The following DPH6 variants were observed in gnomAD, a reference collection of about 807,000 sequenced individuals.
DPH6 encodes the protein diphthine--ammonia ligase.
A neutral mutation model predicts 38.2 loss-of-function variants in DPH6; 33 were observed. That is an observed-to-expected ratio of 0.86 (90% CI 0.65 to 1.15). The LOEUF is 1.15. DPH6 is among the 50% of genes most tolerant of loss of function. DPH6 has a pLI of 0.00. For missense variants in DPH6, 325 were observed against 320.0 expected (o/e 1.02, Z -0.12); for synonymous variants, 108 against 103.0 (o/e 1.05, Z -0.30).
chr15:35,510,765 C>T (rs1056536984), intron 3 of DPH6, among the ~76,000 whole-genome samples: 3 of 152,160 alleles, frequency 2.0e-5, no homozygotes, highest in African/African-American at 7.2e-5. Flanking sequence ...CACTAAGTAG[C>T]AAACTAAATT....
intron 7 of DPH6, 128 bp downstream of exon 7, chr15:35,381,694 T>C (rs2052868647): frequency 4.2e-6 from 3 of 712,766 alleles, no homozygotes; most frequent in South Asian, 1.6e-5. Flanking sequence ...ATTAAACAAA[T>C]TGAGTGTTTG....
At chr15:35,357,886 T>C (rs1181399503) in intron 3 of DPH6, among the ~76,000 whole-genome samples, 1 of 152,054 alleles carries the variant, frequency 6.6e-6, no homozygotes, top group Non-Finnish European at 1.5e-5. Flanking sequence ...TTGTGATGAA[T>C]TTCCCAGGTG....
intron 3 of DPH6, among the ~76,000 whole-genome samples, chr15:35,463,332 TATCCAGAAATGCAGTCTATAAAAATA>T (rs2054088346): frequency 6.6e-6 from 1 of 152,078 alleles, no homozygotes; most frequent in Admixed American, 6.6e-5. Flanking sequence ...TTCAAATTTA[TATCCAGAAATGCAGTCTATAAAAATA>T]ATTGTAAATG....
At chr15:35,267,426 A>T (rs1282243496) in intron 3 of DPH6, among the ~76,000 whole-genome samples, 1 of 152,146 alleles carries the variant, frequency 6.6e-6, no homozygotes, top group Non-Finnish European at 1.5e-5. Context: ...TTTTTCACCT[A>T]TCAGGCAAAG....
chr15:35,491,051 A>G (rs747685202), intron 3 of DPH6, among the ~76,000 whole-genome samples: 1 of 152,162 alleles, frequency 6.6e-6, no homozygotes, highest in Non-Finnish European at 1.5e-5. Flanking sequence ...TTGAGGGCAG[A>G]GCCCTCACAA....
intron 3 of DPH6, among the ~76,000 whole-genome samples, chr15:35,472,845 A>G (rs761543736): frequency 2.6e-4 from 39 of 151,766 alleles, no homozygotes; most frequent in Non-Finnish European, 4.3e-4. Flanking sequence ...CCCTACCTTC[A>G]TGGAGCTTAA....
chr15:35,425,404 A>G (rs1007838762), intron 5 of DPH6, among the ~76,000 whole-genome samples: 5 of 151,584 alleles, frequency 3.3e-5, no homozygotes, highest in African/African-American at 1.2e-4. Flanking sequence ...TGACAGAGCC[A>G]TATGTTTTAC....
chr15:35,237,697 G>A, intron 3 of DPH6: 4 of 1,613,676 alleles, frequency 2.5e-6, no homozygotes, highest in South Asian at 1.1e-5. Context: ...TCAATTGCGA[G>A]GTAACCAACC....
At chr15:35,441,374 A>G (rs2053785457) in intron 5 of DPH6, among the ~76,000 whole-genome samples, 1 of 152,258 alleles carries the variant, frequency 6.6e-6, no homozygotes, top group South Asian at 2.1e-4. Context: ...TGTTTACTGC[A>G]GCACTATTCA....
intron 3 of DPH6, among the ~76,000 whole-genome samples, chr15:35,335,067 G>T (rs1222714781): frequency 1.3e-5 from 2 of 151,958 alleles, no homozygotes; most frequent in African/African-American, 4.8e-5. Flanking sequence ...AGTATCTCTT[G>T]TTTTTTGACT....
intron 3 of DPH6, among the ~76,000 whole-genome samples, chr15:35,533,968 TCA>T (rs2031402589): frequency 6.6e-6 from 1 of 151,906 alleles, no homozygotes; most frequent in Non-Finnish European, 1.5e-5. Flanking sequence ...TCAAAAGCAT[TCA>T]CAGTCAGCTT....
At chr15:35,395,383 C>A (rs986551004) in intron 6 of DPH6, among the ~76,000 whole-genome samples, 1 of 152,134 alleles carries the variant, frequency 6.6e-6, no homozygotes, top group African/African-American at 2.4e-5. Context: ...CCTGAGATTT[C>A]TTTCAGTAAT....
intron 3 of DPH6, among the ~76,000 whole-genome samples, chr15:35,279,818 C>CAA (rs2051886549): frequency 6.6e-6 from 1 of 152,136 alleles, no homozygotes; most frequent in African/African-American, 2.4e-5. Context: ...ACTCCCCACC[C>CAA]CCCAAATTCA....
intron 5 of DPH6, among the ~76,000 whole-genome samples, chr15:35,438,311 G>A (rs974254251): frequency 9.2e-5 from 14 of 152,028 alleles, no homozygotes; most frequent in Middle Eastern, 3.2e-3. Context: ...AGGCTGGAGT[G>A]CAGTGGTGCG....
intron 3 of DPH6, among the ~76,000 whole-genome samples, chr15:35,248,983 A>G (rs1363807218): frequency 6.6e-6 from 1 of 152,248 alleles, no homozygotes; most frequent in Non-Finnish European, 1.5e-5. Context: ...AAATATGTTT[A>G]AAGTATCAGC....
chr15:35,272,979 T>C (rs1468484874), intron 3 of DPH6, among the ~76,000 whole-genome samples: 3 of 151,622 alleles, frequency 2.0e-5, no homozygotes, highest in Non-Finnish European at 4.4e-5. Context: ...CCATGTGATA[T>C]ACCAGCCCCC....
chr15:35,207,676 TTAGA>T, the DPH6 span, among the ~76,000 whole-genome samples: 1 of 152,176 alleles, frequency 6.6e-6, no homozygotes. Flanking sequence ...TAAAGCAAAA[TTAGA>T]TACATTCTTT....
chr15:35,491,768 AAT>A (rs1012345349), intron 3 of DPH6, among the ~76,000 whole-genome samples: 8 of 150,688 alleles, frequency 5.3e-5, no homozygotes, highest in African/African-American at 1.9e-4. Context: ...TACACATATA[AAT>A]ATATGTATAG....
chr15:35,371,998 T>C lies in DPH6; in HGVS notation c.*152A>G, dbSNP rs968068448. The C allele has an allele frequency of 7.4e-7, 1 of 1,347,058 alleles. No homozygotes were observed. The highest frequency in any genetic ancestry group is 9.5e-7 in the Non-Finnish European group (1 of 1,048,124). 83.4% of individuals were successfully genotyped at this position (1,347,058 alleles called of 1,614,324 possible). On this transcript the variant is annotated 3_prime_UTR_variant, in exon 9 of 9. Coordinates refer to ENST00000256538, the MANE Select transcript of DPH6 (RefSeq NM_080650.4). Reference sequence around the variant, plus strand: ...CGTCGACATTTTCCCAATTAATAAATGGTTCCACTAACCTCTTCTAGTGAA... The same window carrying C: ...CGTCGACATTTTCCCAATTAATAAACGGTTCCACTAACCTCTTCTAGTGAA...
Sources: gnomAD v4.1 joint callset for allele counts (sites outside exome capture counted in the v4.1 genomes callset) on GRCh38, gnomAD v4.1.1 for gene constraint, MANE v1.5 for transcripts, NCBI Gene and HGNC (gene_info 2026-07-23, HGNC 2026-07-21) for gene names.